Variants in RNF149 observed in about 807,000 individuals in gnomAD.
RNF149 encodes the protein ring finger protein 149, also known as E3 ubiquitin-protein ligase RNF149.
Under a neutral mutation model 39.0 loss-of-function variants are expected in RNF149, and 21 were observed. That is an observed-to-expected ratio of 0.54 (90% CI 0.38 to 0.77). RNF149 has a LOEUF of 0.77. RNF149 is among the 30% of genes least tolerant of loss of function. The pLI is 0.00. For missense variants in RNF149, 493 were observed against 534.9 expected, an observed-to-expected ratio of 0.92 and a Z score of 0.77; for synonymous variants, 209 against 213.6, an observed-to-expected ratio of 0.98 and a Z score of 0.19.
At chr2:101,295,309 T>A in intron 1 of RNF149, 128 bp from the exon 2 acceptor site, 1 of 778,372 alleles carries the variant, frequency 1.3e-6, no homozygotes, top group Non-Finnish European at 2.0e-6. Flanking sequence ...ATGGGAAACA[T>A]AAGTTACCAA....
chr2:101,292,638 C>G lies in RNF149; in HGVS notation c.780+1376G>C, dbSNP rs181004421. Among the ~76,000 whole-genome samples, 379 of 152,172 alleles carry G rather than the reference C, an allele frequency of 2.5e-3. 2 individuals carry two copies. Among genetic ancestry groups the G allele is most frequent in the African/African-American group, 6.7e-3 (279 of 41,516 alleles). ...AAAATTAGCTGGGCGTGGTGGCAGG[C>G]GCCTGTAGTTCCAGCTACTCGGGAG... On this transcript the variant is annotated intron_variant, in intron 3 of 6. Transcript: ENST00000295317.
At chr2:101,273,864 T>G (rs1177835082), downstream of RNF149, among the ~76,000 whole-genome samples, 1 of 152,232 alleles carries the variant, frequency 6.6e-6, no homozygotes, top group Admixed American at 6.5e-5. Flanking sequence ...CTTCTCTTGC[T>G]AATTTCTTTT....
At position 101,275,890 on chromosome 2, in the gene RNF149, T is replaced by G; in HGVS notation, c.*1348A>C. On this transcript the variant is annotated 3_prime_UTR_variant, in exon 7 of 7. Transcript: ENST00000295317. ...CTTGAGGTTGTCTGCTAAAACCAAC[T>G]CAGTGTGCAAAGCGAAATACATTTT... The G allele has an allele frequency of 1.0e-6, 1 of 985,354 alleles. No individual in the cohort carries two copies. Among genetic ancestry groups the G allele is most frequent in the African/African-American group, 1.7e-5 (1 of 57,344 alleles). 61.0% of individuals were successfully genotyped at this position (985,354 alleles called of 1,614,324 possible). A position where few individuals can be genotyped will look rare whatever the true frequency, so the allele number is the denominator to read the frequency against.
rs1682353950 is a variant in RNF149, at chr2:101,276,603, G to A, written c.*635C>T. 4.1e-6 allele frequency: 4 copies of A among 985,416 alleles called. No homozygotes were observed. The highest frequency in any genetic ancestry group is 4.7e-5 in the South Asian group (1 of 21,280). 61.0% of individuals were successfully genotyped at this position (985,416 alleles called of 1,614,324 possible). A position where few individuals can be genotyped will look rare whatever the true frequency, so the allele number is the denominator to read the frequency against. On this transcript the variant is annotated 3_prime_UTR_variant, in exon 7 of 7. Transcript: ENST00000295317. ...AACAGATTTCCCTCCCCAACAAGGC[G>A]TCACAAGAAATGAGGCAATAAAGGG...
rs1339041361 is a variant in RNF149, at chr2:101,281,965, A to G, written c.1053T>C (p.Asp351=). 1.2e-6 allele frequency: 2 copies of G among 1,613,962 alleles called. No individual in the cohort carries two copies. Among genetic ancestry groups the G allele is most frequent in the Non-Finnish European group, 1.7e-6 (2 of 1,180,004 alleles). ...AANLSLALPD[D]DGSDDSSPPS... is the part of the protein sequence containing the mutation. ...GTGGACTGCTGTCATCACTTCCGTC[A>G]TCATCTGGTAAAGCTAGACTCAAAT... is the stretch of plus-strand genomic sequence containing the variant. The change falls in exon 6 of 7, where the codon GAT becomes GAC. Residue 351 remains aspartate, a synonymous_variant. Coordinates refer to ENST00000295317, the MANE Select transcript of RNF149 (RefSeq NM_173647.4).
chr2:101,289,250 A>G (rs1682913121), intron 3 of RNF149, among the ~76,000 whole-genome samples, 195 bp from the exon 4 acceptor site: 1 of 152,112 alleles, frequency 6.6e-6, no homozygotes, highest in African/African-American at 2.4e-5. Context: ...AAAGGAAAAA[A>G]TTTCATTGTT....
In RNF149 at chr2:101,292,897, A is replaced by C. The variant is rs150690928; in HGVS notation, c.780+1117T>G. Reference sequence around the variant, plus strand: ...TGTGCAGAGTTTGTCACAGGGATTAACTGGAAACTCTATCCCCAAGGACCT... The same window carrying C: ...TGTGCAGAGTTTGTCACAGGGATTACCTGGAAACTCTATCCCCAAGGACCT... On this transcript the variant is annotated intron_variant, in intron 3 of 6. Transcript: ENST00000295317. Among the ~76,000 whole-genome samples the C allele has an allele frequency of 6.3e-3, 952 of 152,192 alleles. 4 individuals carry two copies. Among genetic ancestry groups the C allele is most frequent in the African/African-American group, 0.022 (909 of 41,518 alleles).
At chr2:101,295,303 G>A (rs1683180930) in intron 1 of RNF149, 122 bp from the exon 2 acceptor site, 1 of 829,192 alleles carries the variant, frequency 1.2e-6, no homozygotes, top group Admixed American at 2.9e-5. Context: ...AATTCCATGG[G>A]AAACATAAGT....
At chr2:101,295,266 C>A in intron 1 of RNF149, 85 bp from the exon 2 acceptor site, 1 of 1,133,106 alleles carries the variant, frequency 8.8e-7, no homozygotes, top group Non-Finnish European at 1.3e-6. Context: ...GTACTATGTT[C>A]ATCTACATAT....
intron 3 of RNF149, among the ~76,000 whole-genome samples, chr2:101,289,440 T>C (rs959927707): frequency 1.3e-5 from 2 of 152,044 alleles, no homozygotes; most frequent in Non-Finnish European, 2.9e-5. Flanking sequence ...GGTGCAGTGG[T>C]TCACGCCTAT....
chr2:101,290,547 TAA>T (rs1163620456), intron 3 of RNF149, among the ~76,000 whole-genome samples: 3 of 152,264 alleles, frequency 2.0e-5, no homozygotes, highest in African/African-American at 4.8e-5. Flanking sequence ...AAACTTATAA[TAA>T]AAAGAGAATA....
At chr2:101,305,076 T>G (rs756832871) in intron 1 of RNF149, among the ~76,000 whole-genome samples, 1 of 152,054 alleles carries the variant, frequency 6.6e-6, no homozygotes, top group Non-Finnish European at 1.5e-5. Context: ...CTTGACCTCA[T>G]GATCCACCAG....
At chr2:101,298,663 AC>A (rs1429787236) in intron 1 of RNF149, among the ~76,000 whole-genome samples, 3 of 151,904 alleles carry the variant, frequency 2.0e-5, no homozygotes, top group African/African-American at 7.3e-5. Context: ...AAACAAAAAA[AC>A]CCCAAAAAAC....
At chr2:101,284,261 G>C (rs1448956412) in intron 5 of RNF149, among the ~76,000 whole-genome samples, 1 of 152,152 alleles carries the variant, frequency 6.6e-6, no homozygotes, top group Non-Finnish European at 1.5e-5. Flanking sequence ...CAGAGTGAAG[G>C]CGTTCTGGAA....
intron 6 of RNF149, among the ~76,000 whole-genome samples, chr2:101,278,643 T>G (rs898856159): frequency 6.6e-6 from 1 of 152,242 alleles, no homozygotes; most frequent in Admixed American, 6.5e-5. Context: ...CACTAATTCA[T>G]GTGCATTACC....
At chr2:101,304,079 A>G (rs1683564239) in intron 1 of RNF149, among the ~76,000 whole-genome samples, 1 of 152,218 alleles carries the variant, frequency 6.6e-6, no homozygotes, top group South Asian at 2.1e-4. Context: ...GGTCAAGCTT[A>G]CTTTGATACT....
downstream of RNF149, among the ~76,000 whole-genome samples, chr2:101,274,890 G>A (rs563336671): frequency 6.6e-6 from 1 of 151,966 alleles, no homozygotes; most frequent in Non-Finnish European, 1.5e-5. Context: ...AGGTTCAAGA[G>A]AATCTCCTGC....
At chr2:101,290,177 T>G (rs562933477) in intron 3 of RNF149, among the ~76,000 whole-genome samples, 1 of 152,228 alleles carries the variant, frequency 6.6e-6, no homozygotes, top group African/African-American at 2.4e-5. Flanking sequence ...AGACTCCGTC[T>G]CAAAAAACAA....
At chr2:101,279,701 TCTC>T (rs1658770619) in intron 6 of RNF149, among the ~76,000 whole-genome samples, 1 of 152,244 alleles carries the variant, frequency 6.6e-6, no homozygotes, top group African/African-American at 2.4e-5. Flanking sequence ...TGAAATCTAT[TCTC>T]CTTTTTTTGT....
Sources: allele counts gnomAD v4.1 joint callset (sites outside exome capture counted in the v4.1 genomes callset), GRCh38; gene constraint gnomAD v4.1.1; transcripts MANE v1.5; gene names NCBI Gene and HGNC (gene_info 2026-07-23, HGNC 2026-07-21).